TTF1: variants seen among roughly 807,000 people sequenced by gnomAD.
TTF1 encodes the protein transcription termination factor 1.
Under a neutral mutation model 80.2 loss-of-function variants are expected in TTF1, and 64 were observed. That is an observed-to-expected ratio of 0.80 (90% CI 0.65 to 0.98). The LOEUF (loss-of-function observed/expected upper bound fraction) is 0.98. TTF1 is among the 50% of genes least tolerant of loss of function. The pLI, the probability that TTF1 is intolerant of heterozygous loss-of-function variation, is 0.00. For missense variants in TTF1, 1,023 were observed against 1,086.2 expected (o/e 0.94, Z 0.82); for synonymous variants, 372 against 382.7 (o/e 0.97, Z 0.33).
intron 7 of TTF1, among the ~76,000 whole-genome samples, chr9:132,389,742 G>A (rs1210888540): frequency 6.6e-6 from 1 of 152,158 alleles, no homozygotes; most frequent in East Asian, 1.9e-4. Context: ...GCTGCAGCTG[G>A]ACATCCAGCT....
intron 10 of TTF1, 39 bp from the exon 11 acceptor site, chr9:132,376,207 T>C: frequency 6.3e-7 from 1 of 1,580,160 alleles, no homozygotes; most frequent in Non-Finnish European, 8.6e-7. Context: ...TATCTGTCTG[T>C]ACAAGGCCTC....
intron 9 of TTF1, among the ~76,000 whole-genome samples, chr9:132,383,250 CAAAAA>C (rs35384741): frequency 4.8e-5 from 6 of 125,340 alleles, no homozygotes; most frequent in African/African-American, 6.3e-5. Context: ...CTCTTGTCTT[CAAAAA>C]AAAAAAAAAA....
At chr9:132,377,338 T>TGGTGTGAGTGCATGTGGTG in intron 10 of TTF1, among the ~76,000 whole-genome samples, 1 of 129,142 alleles carries the variant, frequency 7.7e-6, no homozygotes, top group African/African-American at 3.1e-5. Flanking sequence ...TGAATGCATG[T>TGGTGTGAGTGCATGTGGTG]GGTGTGAGTG....
Position 132,379,094 on chromosome 9 carries a change from A to T in TTF1, c.2429T>A (p.Val810Asp). ...VQTKFSRLKA[V>D]YVPFWQKKTF... ...CTTTTTCTGCCAAAATGGAACATAGACAGCTTTCAGCCTAGAAAATTTAGT... is the reference window on the plus strand; with the variant it reads ...CTTTTTCTGCCAAAATGGAACATAGTCAGCTTTCAGCCTAGAAAATTTAGT... Residue 810 changes from valine (V) to aspartate (D), a missense_variant, in exon 10 of 11, where the codon GTC (valine) becomes GAC (aspartate). Coordinates refer to ENST00000334270, the MANE Select transcript of TTF1 (RefSeq NM_007344.4). The T allele has an allele frequency of 6.2e-7, 1 of 1,610,642 alleles. No homozygotes were observed.
At position 132,383,601 on chromosome 9, in the gene TTF1, T is replaced by C. The variant is rs146109315; in HGVS notation, c.2378+2955A>G. ...TCTTTCTGTTACTCTTGCAACTTGT[T>C]TAGCTTTTTGAAGCCTTTAAGAGAC... is the stretch of plus-strand genomic sequence containing the variant. On this transcript the variant is annotated intron_variant, in intron 9 of 10. Coordinates refer to ENST00000334270, the MANE Select transcript of TTF1 (RefSeq NM_007344.4). Among the ~76,000 whole-genome samples the C allele has an allele frequency of 3.1e-4, 47 of 152,252 alleles. 1 individual carries two copies. In the East Asian group the frequency reaches 9.1e-3, roughly 29 times the overall value.
intron 7 of TTF1, among the ~76,000 whole-genome samples, chr9:132,388,958 C>T (rs1849515592): frequency 6.6e-6 from 1 of 152,302 alleles, no homozygotes; most frequent in East Asian, 1.9e-4. Flanking sequence ...GAGCCATCCA[C>T]GTTTACAGGG....
At chr9:132,401,231 C>G (rs1424657284) in intron 2 of TTF1, among the ~76,000 whole-genome samples, 1 of 152,040 alleles carries the variant, frequency 6.6e-6, no homozygotes, top group African/African-American at 2.4e-5. Flanking sequence ...GAGGCTGAGG[C>G]TGGGGAATCG....
Position 132,400,155 on chromosome 9 carries a change from A to C in TTF1, c.1471T>G (p.Leu491Val), listed in dbSNP as rs1399066542. ...SGDADDSDAD[L>V]GSAVKQLQEF... is the part of the protein sequence containing the mutation. ...TGAAGCTGTTTCACGGCAGAACCCA[A>C]ATCCGCATCTGAATCATCGGCATCT... The change falls in exon 3 of 11, where the codon TTG (leucine) becomes GTG (valine). Residue 491 changes from leucine (L) to valine (V), a missense_variant. Coordinates refer to ENST00000334270, the MANE Select transcript of TTF1 (RefSeq NM_007344.4). 1 of 1,614,162 alleles carries C rather than the reference A, an allele frequency of 6.2e-7. No homozygotes were observed. The highest frequency in any genetic ancestry group is 1.1e-5 in the South Asian group (1 of 91,080).
chr9:132,406,386 G>C (rs1849867598), intron 1 of TTF1, among the ~76,000 whole-genome samples: 1 of 152,146 alleles, frequency 6.6e-6, no homozygotes, highest in Non-Finnish European at 1.5e-5. Flanking sequence ...TGGATCACCT[G>C]AAGTCAGGAG....
chr9:132,391,936 T>C (rs1030699467), intron 6 of TTF1, 140 bp downstream of exon 6: 3 of 1,365,764 alleles, frequency 2.2e-6, no homozygotes, highest in Admixed American at 2.7e-5. Flanking sequence ...AACAAATTAG[T>C]ATAGAGAACA....
intron 5 of TTF1, among the ~76,000 whole-genome samples, chr9:132,394,314 G>C: frequency 6.7e-6 from 1 of 150,226 alleles, no homozygotes; most frequent in East Asian, 2.0e-4. Flanking sequence ...GAGTCTTGCT[G>C]TGTTTCCCAG....
intron 4 of TTF1, 107 bp downstream of exon 4, chr9:132,398,034 C>T: frequency 1.2e-6 from 1 of 868,430 alleles, no homozygotes; most frequent in Non-Finnish European, 1.7e-6. Context: ...TTAATGTGCG[C>T]CGCCTGCAGG....
At chr9:132,401,103 G>A (rs1320248750) in intron 2 of TTF1, among the ~76,000 whole-genome samples, 1 of 152,186 alleles carries the variant, frequency 6.6e-6, no homozygotes, top group Non-Finnish European at 1.5e-5. Context: ...GCTGAGGCAG[G>A]CGGATCACCT....
In TTF1 at chr9:132,390,692, T is replaced by C. The variant is rs750956331; in HGVS notation, c.2127A>G (p.Leu709=). 4.0e-5 allele frequency: 65 copies of C among 1,614,240 alleles called. No homozygotes were observed. The East Asian group carries it at 1.1e-3, about 27-fold the overall frequency. ...SKLQENPESC[L]SIVREKLYKG... ...TGTAGAGTTTTTCCCGAACAATTGA[T>C]AGGCAACTTTCAGGATTTTCTTGGA... The change falls in exon 7 of 11, where the codon CTA becomes CTG. Residue 709 remains leucine, a synonymous_variant. Transcript: ENST00000334270.
At position 132,396,482 on chromosome 9, in the gene TTF1, T is replaced by C. The variant is rs1412535956; in HGVS notation, c.1807A>G (p.Ile603Val). The change falls in exon 5 of 11, where the codon ATA becomes GTA. Residue 603 changes from isoleucine to valine, a missense_variant. Coordinates refer to ENST00000334270, the MANE Select transcript of TTF1 (RefSeq NM_007344.4). Reference sequence around the variant, plus strand: ...AACATCTTCTTTGCTCGATAGTATATAAGTTTCCAGGGCCGGGCAATGTTC... The same window carrying C: ...AACATCTTCTTTGCTCGATAGTATACAAGTTTCCAGGGCCGGGCAATGTTC... ...GRNIARPWKL[I>V]YYRAKKMFDV... 1.9e-6 allele frequency: 3 copies of C among 1,614,168 alleles called. No homozygotes were observed. The highest frequency in any genetic ancestry group is 2.5e-6 in the Non-Finnish European group (3 of 1,180,024).
At position 132,375,935 on chromosome 9, in the gene TTF1, G is replaced by T; in HGVS notation, c.2698C>A (p.Gln900Lys). The T allele has an allele frequency of 6.3e-7, 1 of 1,595,102 alleles. No individual in the cohort carries two copies. Among genetic ancestry groups the T allele is most frequent in the Non-Finnish European group, 8.6e-7 (1 of 1,168,834 alleles). The change falls in exon 11 of 11, where the codon CAA (glutamine) becomes AAA (lysine). Residue 900 changes from glutamine (Q) to lysine (K), a missense_variant. Coordinates refer to ENST00000334270, the MANE Select transcript of TTF1 (RefSeq NM_007344.4). ...HACNSSTLGGQGRWII is the reference protein window; with the variant it reads ...HACNSSTLGGKGRWII The stretch of plus-strand genomic sequence containing the variant: ...TGACCTCAGATGATCCACCGGCCTT[G>T]GCCTCCCAAAGTACTGGAATTACAG...
Position 132,402,381 on chromosome 9 carries a change from T to C in TTF1, c.441A>G (p.Val147=). The change falls in exon 2 of 11, where the codon GTA becomes GTG. Residue 147 remains valine, a synonymous_variant. Coordinates refer to ENST00000334270, the MANE Select transcript of TTF1 (RefSeq NM_007344.4). ...PRKPKTDKFQ[V]LAKSHAHKSE... is the part of the protein sequence containing the mutation. ...ATTTATGTGCATGTGACTTAGCAAG[T>C]ACCTGAAATTTGTCTGTTTTAGGCT... is the stretch of plus-strand genomic sequence containing the variant. The C allele has an allele frequency of 6.2e-7, 1 of 1,614,222 alleles. No homozygotes were observed. The highest frequency in any genetic ancestry group is 8.5e-7 in the Non-Finnish European group (1 of 1,180,038).
chr9:132,404,618 T>C (rs1849829344), intron 1 of TTF1, among the ~76,000 whole-genome samples: 1 of 152,104 alleles, frequency 6.6e-6, no homozygotes, highest in Non-Finnish European at 1.5e-5. Flanking sequence ...AAAATGCAAC[T>C]GTCGTTTAAC....
chr9:132,382,761 CAA>C (rs55904518), intron 9 of TTF1, among the ~76,000 whole-genome samples: 127,077 of 137,178 alleles, frequency 0.93, 58,931 homozygotes, highest in Middle Eastern at 0.97. Context: ...ACTAAAAATA[CAA>C]AAAAAAAAAA....
Sources: allele counts gnomAD v4.1 joint callset (sites outside exome capture counted in the v4.1 genomes callset), GRCh38; gene constraint gnomAD v4.1.1; transcripts MANE v1.5; gene names NCBI Gene and HGNC (gene_info 2026-07-23, HGNC 2026-07-21).